AFG3L2: variants seen among roughly 807,000 people sequenced by gnomAD.
AFG3L2 encodes mitochondrial inner membrane m-AAA protease component AFG3L2.
Under a neutral mutation model 94.5 loss-of-function variants are expected in AFG3L2, and 54 were observed. That is an observed-to-expected ratio of 0.57 (90% CI 0.46 to 0.72). The LOEUF is 0.72. Ranked by LOEUF, AFG3L2 falls within the 30% of genes least tolerant of loss-of-function variation. The pLI is 0.00. For missense variants in AFG3L2, 754 were observed against 994.9 expected, an observed-to-expected ratio of 0.76 and a Z score of 3.26; for synonymous variants, 377 against 365.5, an observed-to-expected ratio of 1.03 and a Z score of -0.36.
At chr18:12,363,699 G>T in intron 6 of AFG3L2, 83 bp downstream of exon 6, 1 of 1,098,718 alleles carries the variant, frequency 9.1e-7, no homozygotes, top group Non-Finnish European at 1.4e-6. Flanking sequence ...AACTCCTAGA[G>T]TATGAGGCAG....
chr18:12,370,526 A>G (rs554466965), intron 3 of AFG3L2, among the ~76,000 whole-genome samples: 22 of 140,272 alleles, frequency 1.6e-4, no homozygotes, highest in Non-Finnish European at 2.7e-4. Context: ...GCTGGAGTGC[A>G]GTGGCACAAT....
Position 12,340,819 on chromosome 18 carries a change from G to A in AFG3L2, c.1780-418C>T, listed in dbSNP as rs564066109. On this transcript the variant is annotated intron_variant, in intron 14 of 16. Coordinates refer to ENST00000269143, the MANE Select transcript of AFG3L2 (RefSeq NM_006796.3). ...CATGTTGGTCAGGCTGGTCTCGAAC[G>A]CCTGAGCTCGTGATCCTCCTGCCTC... 11 of 185,034 alleles carry A rather than the reference G, an allele frequency of 5.9e-5. No individual in the cohort carries two copies. In the East Asian group the frequency reaches 1.3e-3, roughly 22 times the overall value. 11.5% of individuals were successfully genotyped at this position (185,034 alleles called of 1,614,324 possible).
At chr18:12,359,743 A>G (rs1463234507) in intron 7 of AFG3L2, among the ~76,000 whole-genome samples, 184 bp downstream of exon 7, 1 of 151,352 alleles carries the variant, frequency 6.6e-6, no homozygotes, top group African/African-American at 2.4e-5. Flanking sequence ...CCCCACCTCA[A>G]AAAAAAAAGA....
chr18:12,359,072 G>T, intron 7 of AFG3L2, 129 bp from the exon 8 acceptor site: 1 of 1,342,578 alleles, frequency 7.4e-7, no homozygotes, highest in Non-Finnish European at 1.0e-6. Flanking sequence ...ATACAAAGGA[G>T]GGTAACTTGC....
At chr18:12,345,172 G>A (rs763644552) in intron 13 of AFG3L2, among the ~76,000 whole-genome samples, 3 of 152,194 alleles carry the variant, frequency 2.0e-5, no homozygotes, top group East Asian at 1.9e-4. Context: ...GCAAGCCACA[G>A]AAGTGGCAGA....
intron 9 of AFG3L2, among the ~76,000 whole-genome samples, chr18:12,353,971 AGCCTTC>A (rs1908404223): frequency 6.6e-6 from 1 of 152,156 alleles, no homozygotes; most frequent in African/African-American, 2.4e-5. Context: ...AGGGGGTGAC[AGCCTTC>A]GTCTGCCACC....
At position 12,370,477 on chromosome 18, in the gene AFG3L2, T is replaced by C. The variant is rs536172265; in HGVS notation, c.292+372A>G. ...ACTATAACTTTCTTTTTTTTTTTTT[T>C]TTCTTTTTTTTTTGAGACAGGGTCT... On this transcript the variant is annotated intron_variant, in intron 3 of 16. Transcript: ENST00000269143. Among the ~76,000 whole-genome samples, 48 of 115,342 alleles carry C rather than the reference T, an allele frequency of 4.2e-4. 2 individuals carry two copies. The South Asian group carries it at 4.9e-3, about 12-fold the overall frequency. The allele number at this position is 115,342 out of a possible 152,430, so 75.7% of individuals were successfully genotyped here. A position where few individuals can be genotyped will look rare whatever the true frequency, so the allele number is the denominator to read the frequency against.
chr18:12,368,045 T>C (rs1419055597), intron 3 of AFG3L2, among the ~76,000 whole-genome samples: 1 of 152,076 alleles, frequency 6.6e-6, no homozygotes, highest in East Asian at 1.9e-4. Flanking sequence ...CGCATGCCTG[T>C]AATCCCAGCT....
At chr18:12,332,674 A>G (rs1011470265) in intron 16 of AFG3L2, among the ~76,000 whole-genome samples, 6 of 94,500 alleles carry the variant, frequency 6.3e-5, no homozygotes, top group African/African-American at 2.4e-4. Flanking sequence ...TTATCCATAT[A>G]TATATATATA....
At chr18:12,374,538 A>G (rs957270765) in intron 1 of AFG3L2, among the ~76,000 whole-genome samples, 3 of 152,198 alleles carry the variant, frequency 2.0e-5, no homozygotes, top group African/African-American at 2.4e-5. Context: ...AGAGAGTACC[A>G]AAGAGTATGT....
At position 12,359,916 on chromosome 18, in the gene AFG3L2, T is replaced by C; in HGVS notation, c.752+11A>G. 1 of 1,612,776 alleles carries C rather than the reference T, an allele frequency of 6.2e-7. No homozygotes were observed. Among genetic ancestry groups the C allele is most frequent in the Non-Finnish European group, 8.5e-7 (1 of 1,179,946 alleles). On this transcript the variant is annotated intron_variant, in intron 7 of 16. Transcript: ENST00000269143. ...AGTCAACAGTCTACAAAATATTATATTTGAGATTACCCATCACTTTCAGCA... is the reference window on the plus strand; with the variant it reads ...AGTCAACAGTCTACAAAATATTATACTTGAGATTACCCATCACTTTCAGCA...
chr18:12,345,296 G>A (rs1908099348), intron 13 of AFG3L2, among the ~76,000 whole-genome samples: 1 of 152,246 alleles, frequency 6.6e-6, no homozygotes, highest in African/African-American at 2.4e-5. Flanking sequence ...TCTCTGGCCT[G>A]GATCAACGTG....
chr18:12,337,674 T>G, intron 15 of AFG3L2, 139 bp from the exon 16 acceptor site: 1 of 760,608 alleles, frequency 1.3e-6, no homozygotes, highest in Non-Finnish European at 2.3e-6. Context: ...GCACAGTGCT[T>G]TAAACTCATG....
intron 13 of AFG3L2, among the ~76,000 whole-genome samples, chr18:12,347,974 A>G (rs1307742756): frequency 6.6e-6 from 1 of 152,206 alleles, no homozygotes; most frequent in Non-Finnish European, 1.5e-5. Flanking sequence ...GTTCATGGGT[A>G]GACACCTCGC....
At chr18:12,341,401 A>G (rs1035774120) in intron 14 of AFG3L2, 1 of 152,202 alleles carries the variant, frequency 6.6e-6, no homozygotes, top group Non-Finnish European at 1.5e-5. Context: ...TCATGCCCAG[A>G]AAGTTCCCTT....
At chr18:12,360,127 T>C (rs1015170490) in intron 6 of AFG3L2, 76 bp from the exon 7 acceptor site, 29 of 1,394,960 alleles carry the variant, frequency 2.1e-5, no homozygotes, top group Admixed American at 9.8e-5. Context: ...GGTTCAACTT[T>C]TTAAGAATTT....
chr18:12,335,029 G>C (rs538957701), intron 16 of AFG3L2, among the ~76,000 whole-genome samples: 1 of 152,178 alleles, frequency 6.6e-6, no homozygotes, highest in Non-Finnish European at 1.5e-5. Context: ...CACAAGAGCT[G>C]CCTTCCTATT....
intron 16 of AFG3L2, among the ~76,000 whole-genome samples, chr18:12,333,009 TAA>T (rs1174641172): frequency 2.6e-5 from 2 of 78,370 alleles, no homozygotes; most frequent in Non-Finnish European, 2.6e-5. Flanking sequence ...ATATATAATA[TAA>T]AATATATTAA....
intron 1 of AFG3L2, among the ~76,000 whole-genome samples, chr18:12,374,511 T>C (rs1909082896): frequency 4.6e-5 from 7 of 152,132 alleles, no homozygotes; most frequent in Admixed American, 4.6e-4. Flanking sequence ...TGCCCAGGTG[T>C]CACTAGGCAA....
Sources: allele counts gnomAD v4.1 joint callset (sites outside exome capture counted in the v4.1 genomes callset), GRCh38; gene constraint gnomAD v4.1.1; transcripts MANE v1.5; gene names NCBI Gene and HGNC (gene_info 2026-07-23, HGNC 2026-07-21).